COL11A1: variants seen among roughly 807,000 people sequenced by gnomAD.
The protein encoded by COL11A1 is collagen alpha-1(XI) chain.
COL11A1 carries 74 observed loss-of-function variants against 265.2 expected under a neutral mutation model. That is an observed-to-expected ratio of 0.28 (90% confidence interval 0.23 to 0.34). COL11A1 has a LOEUF of 0.34. Among genes scored for constraint, COL11A1 ranks in the 10% least tolerant of loss-of-function variants. The probability of loss-of-function intolerance (pLI) is 1.00; values close to 1 mark genes in which losing one functional copy is unlikely to be tolerated. For missense variants in COL11A1, 2,165 were observed against 2,263.6 expected (o/e 0.96, Z 0.88); for synonymous variants, 816 against 727.6 (o/e 1.12, Z -1.96).
intron 42 of COL11A1, among the ~76,000 whole-genome samples, chr1:102,945,032 A>C (rs997049438): frequency 4.6e-5 from 7 of 151,978 alleles, no homozygotes; most frequent in African/African-American, 1.7e-4. Flanking sequence ...CTCTTTCTGA[A>C]AGGTAATGGA....
At chr1:102,918,616 G>C (rs1570726411) in intron 49 of COL11A1, among the ~76,000 whole-genome samples, 2 of 151,402 alleles carry the variant, frequency 1.3e-5, no homozygotes, top group Admixed American at 1.3e-4. Flanking sequence ...AAAAAATGAA[G>C]GTTAGAATTC....
At chr1:103,013,326 AT>A (rs1311891672) in intron 13 of COL11A1, among the ~76,000 whole-genome samples, 11 of 152,008 alleles carry the variant, frequency 7.2e-5, no homozygotes, top group Non-Finnish European at 1.3e-4. Flanking sequence ...GAGATTAAAT[AT>A]CTGAAAAATT....
Position 102,903,859 on chromosome 1 carries a change from T to C in COL11A1, c.4087-4865A>G, listed in dbSNP as rs557123438. 4.6e-5 allele frequency among the ~76,000 whole-genome samples: 7 copies of C among 152,304 alleles called. No homozygotes were observed. In the East Asian group the frequency reaches 9.7e-4, roughly 21 times the overall value. ...TGTATAAACAGAGTGATCTCACTTA[T>C]GTACAGTACTTTCTTCTTTTCGACA... On this transcript the variant is annotated intron_variant, in intron 54 of 66. Transcript: ENST00000370096.
chr1:102,902,444 C>T (rs1653331362), intron 54 of COL11A1, among the ~76,000 whole-genome samples: 1 of 151,832 alleles, frequency 6.6e-6, no homozygotes, highest in African/African-American at 2.4e-5. Context: ...ATTTTTGTTT[C>T]CCCACATTAA....
At chr1:103,058,046 G>A (rs1306241529) in intron 4 of COL11A1, among the ~76,000 whole-genome samples, 1 of 152,150 alleles carries the variant, frequency 6.6e-6, no homozygotes, top group African/African-American at 2.4e-5. Flanking sequence ...TCCAACAGAA[G>A]GCTGTTTTGT....
At chr1:102,972,343 C>T (rs138567904) in intron 36 of COL11A1, among the ~76,000 whole-genome samples, 22 of 151,996 alleles carry the variant, frequency 1.4e-4, no homozygotes, top group African/African-American at 5.3e-4. Flanking sequence ...ACATAGATAA[C>T]ACATTCATTG....
intron 30 of COL11A1, among the ~76,000 whole-genome samples, chr1:102,987,087 G>C (rs1663639987): frequency 6.6e-6 from 1 of 151,888 alleles, no homozygotes; most frequent in African/African-American, 2.4e-5. Context: ...CATCTAATGT[G>C]GAAGAACTCT....
chr1:102,914,917 T>A (rs962153723), intron 50 of COL11A1, 106 bp from the exon 51 acceptor site: 116 of 899,682 alleles, frequency 1.3e-4, no homozygotes, highest in African/African-American at 1.2e-3. Flanking sequence ...AGAATATATT[T>A]TTTTTTTAGA....
In COL11A1 at chr1:102,896,987, T is replaced by A. The variant is rs539938242; in HGVS notation, c.4302+1138A>T. Among the ~76,000 whole-genome samples, 3 of 152,220 alleles carry A rather than the reference T, an allele frequency of 2.0e-5. No homozygotes were observed. In the South Asian group the frequency reaches 6.2e-4, roughly 32 times the overall value. On this transcript the variant is annotated intron_variant, in intron 57 of 66. Coordinates refer to ENST00000370096, the MANE Select transcript of COL11A1 (RefSeq NM_001854.4). ...GATCCTGCTTCAACCGGGGCCCTTT[T>A]CCTAAGCTGATGAGATAATGGGCAG... is the stretch of plus-strand genomic sequence containing the variant.
chr1:103,022,300 T>C (rs1053928880), intron 8 of COL11A1, among the ~76,000 whole-genome samples: 1 of 152,122 alleles, frequency 6.6e-6, no homozygotes, highest in Non-Finnish European at 1.5e-5. Context: ...TAATACTGAA[T>C]CTTAAAATGA....
At chr1:103,098,986 T>C (rs558411262) in intron 1 of COL11A1, among the ~76,000 whole-genome samples, 1 of 151,874 alleles carries the variant, frequency 6.6e-6, no homozygotes, top group East Asian at 1.9e-4. Context: ...GTGATACACA[T>C]AGCTATATAT....
rs374295267 is a variant in COL11A1, at chr1:102,915,616, T to C, written c.3816+15A>G. The C allele has an allele frequency of 1.2e-6, 2 of 1,609,450 alleles. No individual in the cohort carries two copies. Among genetic ancestry groups the C allele is most frequent in the Non-Finnish European group, 1.7e-6 (2 of 1,175,820 alleles). ...AACCAATAATACACTATGTTAACAA[T>C]AACACAGTACTTACGCCTACACCTG... On this transcript the variant is annotated intron_variant, in intron 50 of 66. Coordinates refer to ENST00000370096, the MANE Select transcript of COL11A1 (RefSeq NM_001854.4).
rs1481391136 is a variant in COL11A1 at position 102,908,302 on chromosome 1, G to A, written c.4086+3857C>T. ...ACAAATTATTCTATGCATGTTTCCTGTATGTTACAAATATTTTCTCCTAAT... is the reference window on the plus strand; with the variant it reads ...ACAAATTATTCTATGCATGTTTCCTATATGTTACAAATATTTTCTCCTAAT... On this transcript the variant is annotated intron_variant, in intron 54 of 66. Transcript: ENST00000370096. Among the ~76,000 whole-genome samples the A allele has an allele frequency of 2.0e-5, 3 of 151,884 alleles. No individual in the cohort carries two copies. In the East Asian group the frequency reaches 5.8e-4, roughly 29 times the overall value.
chr1:102,972,625 A>C (rs529319519), intron 36 of COL11A1, among the ~76,000 whole-genome samples: 1 of 152,144 alleles, frequency 6.6e-6, no homozygotes, highest in African/African-American at 2.4e-5. Flanking sequence ...TATCTATGTA[A>C]AAGTAATAAT....
rs1288915754 is a variant in COL11A1 at position 102,929,998 on chromosome 1, C to T, written c.3600+4451G>A. Among the ~76,000 whole-genome samples the T allele has an allele frequency of 5.9e-5, 9 of 152,166 alleles. No homozygotes were observed. In the East Asian group the frequency reaches 1.5e-3, roughly 26 times the overall value. On this transcript the variant is annotated intron_variant, in intron 46 of 66. Transcript: ENST00000370096. The stretch of plus-strand genomic sequence containing the variant: ...AGCTTAAGGAGATTTTGGGCTGAGA[C>T]AATGGGGTTTTCTAGATATACAATC...
chr1:103,046,795 A>G (rs1669308445), intron 4 of COL11A1, among the ~76,000 whole-genome samples: 1 of 151,140 alleles, frequency 6.6e-6, no homozygotes, highest in Admixed American at 6.6e-5. Context: ...AGGTGTAAGG[A>G]AGGGATCCAG....
intron 1 of COL11A1, among the ~76,000 whole-genome samples, chr1:103,090,175 A>G (rs945547895): frequency 1.3e-5 from 2 of 151,888 alleles, no homozygotes; most frequent in Non-Finnish European, 2.9e-5. Context: ...AAGTAACAAT[A>G]ATAAAGTAGC....
chr1:102,904,036 ATT>A (rs1309651508), intron 54 of COL11A1, among the ~76,000 whole-genome samples: 1 of 151,854 alleles, frequency 6.6e-6, no homozygotes, highest in East Asian at 1.9e-4. Context: ...TAATTTTTGT[ATT>A]TTTTTGTAGA....
chr1:102,881,535 A>G (rs1218012490), intron 65 of COL11A1, among the ~76,000 whole-genome samples, 162 bp downstream of exon 65: 1 of 152,164 alleles, frequency 6.6e-6, no homozygotes, highest in East Asian at 1.9e-4. Flanking sequence ...GCTTTAAGAT[A>G]CCACAGTGGT....
Sources: gnomAD v4.1 joint callset for allele counts (sites outside exome capture counted in the v4.1 genomes callset) on GRCh38, gnomAD v4.1.1 for gene constraint, MANE v1.5 for transcripts, NCBI Gene and HGNC (gene_info 2026-07-23, HGNC 2026-07-21) for gene names.